The following KIF1A variants were observed in gnomAD, a reference collection of about 807,000 sequenced individuals.
KIF1A encodes the protein kinesin family member 1A.
KIF1A carries 46 observed loss-of-function variants against 227.3 expected under a neutral mutation model. That is an observed-to-expected ratio of 0.20 (90% CI 0.16 to 0.26). The LOEUF is 0.26. Among genes scored for constraint, KIF1A ranks in the 10% least tolerant of loss-of-function variants. The pLI is 1.00. For synonymous variants in KIF1A, 1,022 were observed against 1,012.8 expected (o/e 1.01, Z -0.17); for missense variants, 1,683 against 2,485.9 (o/e 0.68, Z 6.87).
At chr2:240,718,842 G>A (rs1372496619) in intron 47 of KIF1A, among the ~76,000 whole-genome samples, 164 bp downstream of exon 47, 1 of 152,222 alleles carries the variant, frequency 6.6e-6, no homozygotes, top group African/African-American at 2.4e-5. Context: ...AAGGACAGAG[G>A]ATCCCTGAGG....
intron 14 of KIF1A, 123 bp from the exon 15 acceptor site, chr2:240,771,227 GA>G: frequency 8.6e-7 from 1 of 1,157,038 alleles, no homozygotes; most frequent in Non-Finnish European, 1.3e-6. Context: ...GGGAGGGAGA[GA>G]AAAAAGATGA....
rs531430717 is a variant in KIF1A at position 240,764,921 on chromosome 2, G to A, written c.1768+789C>T. Reference sequence around the variant, plus strand: ...CTGCCCCGAGTTCCCAGCCTGCCCCGAGTTCCCAGCCTGCCCTGAGTTCCC... The same window carrying A: ...CTGCCCCGAGTTCCCAGCCTGCCCCAAGTTCCCAGCCTGCCCTGAGTTCCC... On this transcript the variant is annotated intron_variant, in intron 20 of 48. Transcript: ENST00000498729. Among the ~76,000 whole-genome samples, 6 of 152,104 alleles carry A rather than the reference G, an allele frequency of 3.9e-5. No homozygotes were observed. In the East Asian group the frequency reaches 5.8e-4, roughly 15 times the overall value.
At chr2:240,770,098 G>A (rs2051748144) in intron 15 of KIF1A, among the ~76,000 whole-genome samples, 1 of 152,084 alleles carries the variant, frequency 6.6e-6, no homozygotes, top group Non-Finnish European at 1.5e-5. Context: ...AGCCCAGTGG[G>A]ACCCCAACAC....
intron 2 of KIF1A, among the ~76,000 whole-genome samples, chr2:240,796,829 C>T (rs1440956319): frequency 1.3e-5 from 2 of 152,190 alleles, no homozygotes; most frequent in African/African-American, 2.4e-5. Flanking sequence ...GAATCTCCAG[C>T]CCCTGAGCAG....
chr2:240,783,650 C>G, intron 8 of KIF1A, 89 bp downstream of exon 8: 3 of 1,057,384 alleles, frequency 2.8e-6, no homozygotes, highest in Non-Finnish European at 4.2e-6. Context: ...TGGCCCAGGC[C>G]CCCGGGACCC....
chr2:240,725,095 CT>C lies in KIF1A; in HGVS notation c.4256+175del, dbSNP rs1362418953. On this transcript the variant is annotated intron_variant, in intron 40 of 48. Transcript: ENST00000498729. The surrounding 1 kb of genome is among the most constrained non-coding windows in gnomAD (Gnocchi z 5.8). Reference sequence around the variant, plus strand: ...GCAGGAACCATGGCCTCCACAGAGTCTTCATCTAGGGTGAGCAGGAGGGGAC... The same window carrying C: ...GCAGGAACCATGGCCTCCACAGAGTCTCATCTAGGGTGAGCAGGAGGGGAC... 6.6e-6 allele frequency among the ~76,000 whole-genome samples: 1 copy of C among 152,022 alleles called. No homozygotes were observed. Among genetic ancestry groups the C allele is most frequent in the East Asian group, 1.9e-4 (1 of 5,146 alleles).
intron 1 of KIF1A, among the ~76,000 whole-genome samples, chr2:240,803,850 A>G (rs1218084181): frequency 6.6e-6 from 1 of 152,270 alleles, no homozygotes; most frequent in Non-Finnish European, 1.5e-5. Context: ...TACTTAACCT[A>G]AAAAGAATCA....
Position 240,747,231 on chromosome 2 carries a change from G to A in KIF1A, c.3063+5C>T. ...AGGTCTGGGACTCGGGAGGGAGCTTGGTACCTTTTCAAAATGCTGGTCATC... is the reference window on the plus strand; with the variant it reads ...AGGTCTGGGACTCGGGAGGGAGCTTAGTACCTTTTCAAAATGCTGGTCATC... On this transcript the variant is annotated splice_donor_5th_base_variant and intron_variant, in intron 29 of 48. Transcript: ENST00000498729. The A allele has an allele frequency of 4.3e-6, 7 of 1,611,362 alleles. No individual in the cohort carries two copies. The highest frequency in any genetic ancestry group is 5.9e-6 in the Non-Finnish European group (7 of 1,177,898).
chr2:240,796,623 A>C (rs908675575), intron 2 of KIF1A, among the ~76,000 whole-genome samples: 1 of 152,128 alleles, frequency 6.6e-6, no homozygotes, highest in Non-Finnish European at 1.5e-5. Context: ...CCTGAAGTAC[A>C]CTGGGGCCCC....
chr2:240,761,647 G>T (rs532465226), intron 23 of KIF1A, among the ~76,000 whole-genome samples: 1 of 152,262 alleles, frequency 6.6e-6, no homozygotes, highest in East Asian at 1.9e-4. Flanking sequence ...AGAGCTCTGT[G>T]CTTGCCCCCC....
At chr2:240,779,276 CCTCA>C (rs1267372576) in intron 10 of KIF1A, among the ~76,000 whole-genome samples, 2 of 126,162 alleles carry the variant, frequency 1.6e-5, no homozygotes, top group Non-Finnish European at 3.5e-5. Flanking sequence ...TCACTCACTT[CCTCA>C]CTCAGTTCCT....
chr2:240,747,403 G>A lies in KIF1A; in HGVS notation c.2978-82C>T, dbSNP rs183895511. 116 of 1,077,336 alleles carry A rather than the reference G, an allele frequency of 1.1e-4. No homozygotes were observed. In the East Asian group the frequency reaches 1.5e-3, roughly 14 times the overall value. The allele number at this position is 1,077,336 out of a possible 1,614,324, so 66.7% of individuals were successfully genotyped here. A position where few individuals can be genotyped will look rare whatever the true frequency, so the allele number is the denominator to read the frequency against. On this transcript the variant is annotated intron_variant, in intron 28 of 48. Coordinates refer to ENST00000498729, the MANE Select transcript of KIF1A (RefSeq NM_001244008.2). Reference sequence around the variant, plus strand: ...GGGCAGAGCCAGGCTGGGCCACCCCGCAGTCAAAGTGAGGGCACAGGAGCC... The same window carrying A: ...GGGCAGAGCCAGGCTGGGCCACCCCACAGTCAAAGTGAGGGCACAGGAGCC...
In KIF1A at chr2:240,776,894, A is replaced by AG. The variant is rs2052799655; in HGVS notation, c.883-969dup. On this transcript the variant is annotated intron_variant, in intron 10 of 48. Coordinates refer to ENST00000498729, the MANE Select transcript of KIF1A (RefSeq NM_001244008.2). ...GAAAGCTCTTGAGACTCCCAGTCAA[A>AG]GGGGGTCCAGAATACTGCACTGGCT... is the stretch of plus-strand genomic sequence containing the variant. Among the ~76,000 whole-genome samples, 5 of 152,328 alleles carry AG rather than the reference A, an allele frequency of 3.3e-5. No homozygotes were observed. The South Asian group carries it at 1.0e-3, about 32-fold the overall frequency.
chr2:240,762,578 A>G, intron 23 of KIF1A, 141 bp downstream of exon 23: 2 of 1,234,124 alleles, frequency 1.6e-6, no homozygotes, highest in Non-Finnish European at 2.1e-6. Flanking sequence ...TCCCAGGGCA[A>G]GGAGGTCTTT....
At chr2:240,746,298 G>A in intron 29 of KIF1A, 121 bp from the exon 30 acceptor site, 1 of 1,203,120 alleles carries the variant, frequency 8.3e-7, no homozygotes, top group Non-Finnish European at 1.2e-6. Flanking sequence ...GGGCCTCCAT[G>A]AACCCACGCA....
At chr2:240,791,205 C>G (rs914907558) in intron 2 of KIF1A, among the ~76,000 whole-genome samples, 1 of 152,132 alleles carries the variant, frequency 6.6e-6, no homozygotes, top group Admixed American at 6.5e-5. Flanking sequence ...GTCCCGACTT[C>G]AGCGCCTGCC....
In KIF1A at chr2:240,792,544, G is replaced by A. The variant is rs777513198; in HGVS notation, c.107-3232C>T. On this transcript the variant is annotated intron_variant, in intron 2 of 48. Transcript: ENST00000498729. The surrounding 1 kb of genome is among the most constrained non-coding windows in gnomAD (Gnocchi z 4.5). ...CGGGGGGAGGGTTGGGGTGAGGAGT[G>A]GGGGGAGCTGGAAGAAGGGGGACGG... 3.9e-5 allele frequency among the ~76,000 whole-genome samples: 6 copies of A among 151,986 alleles called. No individual in the cohort carries two copies. The South Asian group carries it at 6.3e-4, about 16-fold the overall frequency.
At chr2:240,727,760 G>A (rs531005950) in intron 38 of KIF1A, among the ~76,000 whole-genome samples, 9 of 152,216 alleles carry the variant, frequency 5.9e-5, no homozygotes, top group Non-Finnish European at 1.2e-4. Flanking sequence ...ACATCCCCAT[G>A]GGGTCGAACC....
chr2:240,725,279 G>A lies in KIF1A; in HGVS notation c.4248C>T (p.Ala1416=), dbSNP rs773833600. ...CACCCCTGGGAGCTTACCTCTCTGA[G>A]GCCCGAAGGCTCCCACTGCCAAAGA... is the stretch of plus-strand genomic sequence containing the variant. ...RNLFGSGSLR[A]SESNRVTGVY... is the part of the protein sequence containing the mutation. The change falls in exon 40 of 49, where the codon GCC becomes GCT. Residue 1416 remains alanine (A), a synonymous_variant. Transcript: ENST00000498729. This position sits in a 1 kb window ranked among gnomAD's most constrained non-coding sequence, Gnocchi z 5.8. 1.9e-6 allele frequency: 3 copies of A among 1,602,456 alleles called. No homozygotes were observed. Among genetic ancestry groups the A allele is most frequent in the Non-Finnish European group, 1.7e-6 (2 of 1,175,262 alleles).
Sources: gnomAD v4.1 joint callset for allele counts (sites outside exome capture counted in the v4.1 genomes callset) on GRCh38, gnomAD v4.1.1 for gene constraint, Gnocchi (gnomAD v3.1) non-coding constraint, MANE v1.5 for transcripts, NCBI Gene and HGNC (gene_info 2026-07-23, HGNC 2026-07-21) for gene names.